Variants in EPG5 observed in about 807,000 individuals in gnomAD.
EPG5 encodes ectopic P-granules 5 autophagy tethering factor.
In EPG5, 159 loss-of-function variants were observed where a neutral mutation model predicts 302.7. The ratio of observed to expected loss-of-function variants is 0.53; its 90% CI spans 0.46 to 0.60. The LOEUF (loss-of-function observed/expected upper bound fraction) is 0.60. EPG5 is among the 20% of genes least tolerant of loss of function. EPG5 has a pLI of 0.00. For synonymous variants in EPG5, 1,158 were observed against 1,136.8 expected (o/e 1.02, Z -0.37); for missense variants, 2,896 against 3,092.4 (o/e 0.94, Z 1.51).
At chr18:45,870,482 C>T (rs1397924989) in intron 36 of EPG5, 85 bp downstream of exon 36, 22 of 1,229,702 alleles carry the variant, frequency 1.8e-5, no homozygotes, top group Non-Finnish European at 2.5e-5. Context: ...CACACACTGC[C>T]ACTATGCCTA....
intron 25 of EPG5, among the ~76,000 whole-genome samples, chr18:45,903,509 C>A (rs1055410141): frequency 2.6e-5 from 4 of 152,144 alleles, no homozygotes; most frequent in African/African-American, 9.7e-5. Context: ...TTTTGGTCAA[C>A]AATTGAATTT....
intron 10 of EPG5, 59 bp from the exon 11 acceptor site, chr18:45,935,025 G>C (rs1011502829): frequency 1.4e-5 from 21 of 1,495,028 alleles, no homozygotes; most frequent in Non-Finnish European, 1.7e-5. Context: ...TAAGAAAGTA[G>C]ACAAACCATT....
chr18:45,877,887 T>C (rs564728911), intron 34 of EPG5, among the ~76,000 whole-genome samples: 98 of 152,322 alleles, frequency 6.4e-4, no homozygotes, highest in African/African-American at 2.3e-3. Context: ...AAAAAAAGAC[T>C]CAGAAGGCAA....
chr18:45,888,681 C>T (rs1311365675), intron 28 of EPG5, among the ~76,000 whole-genome samples: 1 of 152,124 alleles, frequency 6.6e-6, no homozygotes. Flanking sequence ...CTCAAGTGAT[C>T]CGCCCACCTT....
chr18:45,910,858 T>C (rs1404871733), intron 22 of EPG5, 116 bp from the exon 23 acceptor site: 6 of 693,722 alleles, frequency 8.6e-6, no homozygotes, highest in East Asian at 2.8e-5. Context: ...TATACACCAT[T>C]AAATTAACAC....
At chr18:45,919,875 T>TA (rs2050117023) in intron 16 of EPG5, among the ~76,000 whole-genome samples, 1 of 152,224 alleles carries the variant, frequency 6.6e-6, no homozygotes, top group Admixed American at 6.5e-5. Context: ...ACTCCCATTT[T>TA]AGAGATGGGA....
chr18:45,923,440 T>C lies in EPG5; in HGVS notation c.2719-53A>G, dbSNP rs1599580833. ...ATACAACCTTGGTTTTGTTTTGTTT[T>C]TGTACCTTTGAATCAAAACATTAGG... On this transcript the variant is annotated intron_variant, in intron 14 of 43. Transcript: ENST00000282041. 6 of 1,578,544 alleles carry C rather than the reference T, an allele frequency of 3.8e-6. No individual in the cohort carries two copies. In the East Asian group the frequency reaches 1.3e-4, roughly 35 times the overall value.
intron 34 of EPG5, among the ~76,000 whole-genome samples, chr18:45,877,898 C>T (rs528548433): frequency 6.6e-6 from 1 of 152,332 alleles, no homozygotes; most frequent in Admixed American, 6.5e-5. Flanking sequence ...CAGAAGGCAA[C>T]TCACTGAATT....
At chr18:45,890,094 A>G (rs537365734) in intron 27 of EPG5, 154 bp from the exon 28 acceptor site, 38 of 533,822 alleles carry the variant, frequency 7.1e-5, no homozygotes, top group African/African-American at 6.8e-4. Flanking sequence ...TCTTGAATTA[A>G]TTTATCAATA....
the EPG5 span, among the ~76,000 whole-genome samples, chr18:45,824,138 C>T: frequency 2.6e-5 from 4 of 152,210 alleles, no homozygotes; most frequent in African/African-American, 9.7e-5. Flanking sequence ...AGGGGAGGCA[C>T]AGACAGTAGA....
intron 35 of EPG5, among the ~76,000 whole-genome samples, chr18:45,875,244 A>C (rs1185212009): frequency 6.6e-6 from 1 of 152,220 alleles, no homozygotes; most frequent in African/African-American, 2.4e-5. Flanking sequence ...TGGGCTCACA[A>C]TACAAAATTT....
chr18:45,922,632 G>A (rs758535482), intron 15 of EPG5, 32 bp from the exon 16 acceptor site: 51 of 1,608,022 alleles, frequency 3.2e-5, no homozygotes, highest in Non-Finnish European at 3.7e-5. Flanking sequence ...AGCCACATTA[G>A]TCACACACAA....
chr18:45,807,037 G>C, the EPG5 span, among the ~76,000 whole-genome samples: 2 of 152,200 alleles, frequency 1.3e-5, no homozygotes, highest in Non-Finnish European at 2.9e-5. Flanking sequence ...CGGGGGGCAG[G>C]GGGCACAGTG....
chr18:45,883,380 C>A (rs1285494495), intron 30 of EPG5, among the ~76,000 whole-genome samples: 1 of 151,922 alleles, frequency 6.6e-6, no homozygotes, highest in Non-Finnish European at 1.5e-5. Flanking sequence ...ATATTCCCTT[C>A]CAAAATCCCA....
chr18:45,811,263 C>A, the EPG5 span, among the ~76,000 whole-genome samples: 1 of 152,038 alleles, frequency 6.6e-6, no homozygotes, highest in African/African-American at 2.4e-5. Flanking sequence ...CCTAGAAAAC[C>A]CTAACAATTC....
chr18:45,926,846 A>C lies in EPG5; in HGVS notation c.2554-944T>G, dbSNP rs150701625. Among the ~76,000 whole-genome samples, 268 of 151,794 alleles carry C rather than the reference A, an allele frequency of 1.8e-3. 3 individuals carry two copies. The highest frequency in any genetic ancestry group is 3.4e-3 in the Middle Eastern group (1 of 292). Reference sequence around the variant, plus strand: ...AAAAAAAAGAAGCCAAAAACAAGAAAAACACTTGAGAAAAATGTCATGAGC... The same window carrying C: ...AAAAAAAAGAAGCCAAAAACAAGAACAACACTTGAGAAAAATGTCATGAGC... On this transcript the variant is annotated intron_variant, in intron 13 of 43. Coordinates refer to ENST00000282041, the MANE Select transcript of EPG5 (RefSeq NM_020964.3).
At chr18:45,956,919 CA>C (rs930210975) in intron 1 of EPG5, among the ~76,000 whole-genome samples, 101 of 151,158 alleles carry the variant, frequency 6.7e-4, no homozygotes, top group Non-Finnish European at 1.2e-3. Flanking sequence ...GTTATGGTTT[CA>C]AAAAAACCTT....
rs374954693 is a variant in EPG5, at chr18:45,954,584, T to C, written c.818A>G (p.Glu273Gly). The C allele has an allele frequency of 3.1e-6, 5 of 1,614,138 alleles. No homozygotes were observed. The African/African-American group carries it at 6.7e-5, about 22-fold the overall frequency. The change falls in exon 2 of 44, where the codon GAG (glutamate) becomes GGG (glycine). Residue 273 changes from glutamate to glycine, a missense_variant. Glu to Gly is a moderately conservative substitution (Grantham distance 98). Coordinates refer to ENST00000282041, the MANE Select transcript of EPG5 (RefSeq NM_020964.3). ...LEPGSWLENV[E>G]SYLEEFDSMA... ...GCTGTCAAATTCTTCTAAATATGAC[T>C]CAACATTTTCCAGCCATGAACCAGG...
At chr18:45,899,128 CAAAA>C (rs2049546713) in intron 27 of EPG5, among the ~76,000 whole-genome samples, 1 of 151,816 alleles carries the variant, frequency 6.6e-6, no homozygotes, top group African/African-American at 2.4e-5. Flanking sequence ...AACAAACAAA[CAAAA>C]AAAGGAATCA....
Sources: gnomAD v4.1 joint callset for allele counts (sites outside exome capture counted in the v4.1 genomes callset) on GRCh38, gnomAD v4.1.1 for gene constraint, MANE v1.5 for transcripts, NCBI Gene and HGNC (gene_info 2026-07-23, HGNC 2026-07-21) for gene names.